CCDC91: variants seen among roughly 807,000 people sequenced by gnomAD.
CCDC91 encodes the protein coiled-coil domain containing 91, also known as coiled-coil domain-containing protein 91.
CCDC91 carries 48 observed loss-of-function variants against 63.2 expected under a neutral mutation model. The ratio of observed to expected loss-of-function variants is 0.76; its 90% CI spans 0.60 to 0.97. CCDC91 has a LOEUF of 0.97. CCDC91 is among the 50% of genes least tolerant of loss of function. The probability of loss-of-function intolerance (pLI) is 0.00; values close to 1 mark genes in which losing one functional copy is unlikely to be tolerated. For missense variants in CCDC91, 500 were observed against 494.6 expected, an observed-to-expected ratio of 1.01 and a Z score of -0.10; for synonymous variants, 167 against 165.8, an observed-to-expected ratio of 1.01 and a Z score of -0.06.
chr12:28,391,348 A>G lies in CCDC91; in HGVS notation c.699A>G (p.Glu233=), dbSNP rs368874533. 44 of 1,613,152 alleles carry G rather than the reference A, an allele frequency of 2.7e-5. No homozygotes were observed. Among genetic ancestry groups the G allele is most frequent in the Non-Finnish European group, 3.6e-5 (42 of 1,179,388 alleles). Residue 233 remains glutamate, a synonymous_variant, in exon 8 of 13, where the codon GAA becomes GAG. Coordinates refer to ENST00000536442, the MANE Select transcript of CCDC91 (RefSeq NM_018318.5). ...TTAAGCAACAAGTAGAAGCTATTGAAAAACAGTACATTTCTGCAATTGAGA... is the reference window on the plus strand; with the variant it reads ...TTAAGCAACAAGTAGAAGCTATTGAGAAACAGTACATTTCTGCAATTGAGA... ...SSVKQQVEAI[E]KQYISAIEKQ...
intron 6 of CCDC91, among the ~76,000 whole-genome samples, chr12:28,355,445 A>T (rs1352441996): frequency 2.0e-5 from 3 of 152,168 alleles, no homozygotes; most frequent in South Asian, 2.1e-4. Flanking sequence ...CTAATGGAGA[A>T]TTGACAATGG....
chr12:28,439,702 A>C (rs1949082295), intron 8 of CCDC91, among the ~76,000 whole-genome samples: 1 of 151,290 alleles, frequency 6.6e-6, no homozygotes, highest in African/African-American at 2.4e-5. Context: ...ACATTCCAGG[A>C]AAGAAGAGGT....
chr12:28,501,304 T>G (rs1287714366), intron 12 of CCDC91, among the ~76,000 whole-genome samples: 1 of 151,852 alleles, frequency 6.6e-6, no homozygotes, highest in Non-Finnish European at 1.5e-5. Flanking sequence ...AGGGAATGCT[T>G]CCAGTTTTTG....
chr12:28,248,895 CTG>C (rs1178618396), intron 1 of CCDC91, among the ~76,000 whole-genome samples: 2 of 152,178 alleles, frequency 1.3e-5, no homozygotes, highest in African/African-American at 4.8e-5. Flanking sequence ...AGCCAAGTCT[CTG>C]AGAGCCCAGG....
chr12:28,475,278 G>A (rs1302512695), intron 11 of CCDC91, among the ~76,000 whole-genome samples: 1 of 152,006 alleles, frequency 6.6e-6, no homozygotes, highest in Non-Finnish European at 1.5e-5. Flanking sequence ...TGCTAATCAT[G>A]TGAAAACATT....
At chr12:28,300,940 T>C (rs1279593200) in intron 3 of CCDC91, among the ~76,000 whole-genome samples, 1 of 151,728 alleles carries the variant, frequency 6.6e-6, no homozygotes, top group Non-Finnish European at 1.5e-5. Context: ...TGGTTTCTGC[T>C]GGTCAAGTTT....
chr12:28,219,588 C>T (rs1592019536), intron 1 of CCDC91, among the ~76,000 whole-genome samples: 1 of 151,116 alleles, frequency 6.6e-6, no homozygotes, highest in Non-Finnish European at 1.5e-5. Flanking sequence ...TCTTCTGCCT[C>T]AGCCTCCCAA....
chr12:28,355,729 T>C (rs1195436553), intron 6 of CCDC91, among the ~76,000 whole-genome samples: 4 of 152,160 alleles, frequency 2.6e-5, no homozygotes, highest in African/African-American at 9.7e-5. Flanking sequence ...ACTGTATCTG[T>C]TAGGAGAATT....
intron 1 of CCDC91, among the ~76,000 whole-genome samples, chr12:28,199,852 T>C (rs1942074322): frequency 6.6e-6 from 1 of 152,224 alleles, no homozygotes; most frequent in African/African-American, 2.4e-5. Context: ...GTTGCTTCTC[T>C]CTTGTTGCTT....
At chr12:28,394,360 G>A (rs1006501963) in intron 8 of CCDC91, among the ~76,000 whole-genome samples, 10 of 152,002 alleles carry the variant, frequency 6.6e-5, no homozygotes, top group African/African-American at 1.9e-4. Context: ...CAGCTACTCC[G>A]GAGGCTAAGG....
At chr12:28,518,484 C>G (rs1451523612) in intron 12 of CCDC91, among the ~76,000 whole-genome samples, 1 of 144,278 alleles carries the variant, frequency 6.9e-6, no homozygotes, top group East Asian at 1.9e-4. Flanking sequence ...CCTTAGCCCA[C>G]TTTTTGATGG....
chr12:28,307,681 GA>G lies in CCDC91; in HGVS notation c.513del (p.Gly172AlafsTer3). ...ESLMEKHNVLEKGFLKEKEQE... is the reference protein window; with the variant it reads ...ESLMEKHNVLXKGFLKEKEQE... Reference sequence around the variant, plus strand: ...ATTGATGGAAAAGCATAATGTCTTAGAAAAAGGCTTTCTAAAAGAAAAAGAG... The same window carrying G: ...ATTGATGGAAAAGCATAATGTCTTAGAAAAGGCTTTCTAAAAGAAAAAGAG... On this transcript the variant is annotated frameshift_variant, in exon 6 of 13. Coordinates refer to ENST00000536442, the MANE Select transcript of CCDC91 (RefSeq NM_018318.5). LOFTEE classifies it high-confidence loss of function. 2 of 1,587,292 alleles carry G rather than the reference GA, an allele frequency of 1.3e-6. No individual in the cohort carries two copies. Among genetic ancestry groups the G allele is most frequent in the East Asian group, 2.3e-5 (1 of 44,080 alleles).
At chr12:28,324,729 T>C (rs912048408) in intron 6 of CCDC91, among the ~76,000 whole-genome samples, 5 of 152,068 alleles carry the variant, frequency 3.3e-5, no homozygotes, top group African/African-American at 1.2e-4. Flanking sequence ...AAGATTAAGT[T>C]AGTTCATGTT....
chr12:28,202,205 A>G (rs1942508408), intron 1 of CCDC91, among the ~76,000 whole-genome samples: 1 of 152,208 alleles, frequency 6.6e-6, no homozygotes, highest in South Asian at 2.1e-4. Context: ...AACTGTATCT[A>G]AGAAAATATT....
chr12:28,496,050 T>C (rs144345963), intron 12 of CCDC91, among the ~76,000 whole-genome samples: 1 of 151,792 alleles, frequency 6.6e-6, no homozygotes, highest in African/African-American at 2.4e-5. Context: ...AATTTACATA[T>C]CAACCAGGGT....
intron 1 of CCDC91, among the ~76,000 whole-genome samples, chr12:28,232,966 C>G: frequency 7.4e-6 from 1 of 135,464 alleles, no homozygotes; most frequent in East Asian, 2.1e-4. Flanking sequence ...GAGCAAGACT[C>G]TATCTCCAAA....
intron 3 of CCDC91, among the ~76,000 whole-genome samples, chr12:28,276,039 G>A (rs977226297): frequency 3.9e-5 from 6 of 152,016 alleles, no homozygotes; most frequent in African/African-American, 7.2e-5. Context: ...AAAACTGGAA[G>A]CATTCCCTTT....
At chr12:28,362,175 C>CCT (rs981555442) in intron 6 of CCDC91, among the ~76,000 whole-genome samples, 1 of 151,866 alleles carries the variant, frequency 6.6e-6, no homozygotes, top group African/African-American at 2.4e-5. Context: ...AGGGAAAGTA[C>CCT]CTTTGCCTTG....
chr12:28,350,535 G>A (rs776029735), intron 6 of CCDC91, among the ~76,000 whole-genome samples: 101 of 152,302 alleles, frequency 6.6e-4, no homozygotes, highest in Admixed American at 1.4e-3. Flanking sequence ...GGTGTGTGAA[G>A]GAAGAAGCTC....
Sources: gnomAD v4.1 joint callset for allele counts (sites outside exome capture counted in the v4.1 genomes callset) on GRCh38, gnomAD v4.1.1 for gene constraint, MANE v1.5 for transcripts, NCBI Gene and HGNC (gene_info 2026-07-23, HGNC 2026-07-21) for gene names.